Variants in ZNF727 observed in about 807,000 individuals in gnomAD.
ZNF727 encodes the protein putative zinc finger protein 727.
Under a neutral mutation model 11.5 loss-of-function variants are expected in ZNF727, and 11 were observed. That is an observed-to-expected ratio of 0.95 (90% CI 0.60 to 1.58). The LOEUF (loss-of-function observed/expected upper bound fraction) is 1.58. Among genes scored for constraint, ZNF727 ranks in the 40% most tolerant of loss-of-function variants. ZNF727 has a pLI of 0.00. For synonymous variants in ZNF727, 171 were observed against 196.1 expected (o/e 0.87, Z 1.07); for missense variants, 533 against 581.7 (o/e 0.92, Z 0.86).
At chr7:64,047,316 C>T (rs1789523984) in intron 1 of ZNF727, among the ~76,000 whole-genome samples, 1 of 152,184 alleles carries the variant, frequency 6.6e-6, no homozygotes, top group Non-Finnish European at 1.5e-5. Flanking sequence ...ACGGACGTGG[C>T]ATTTTAATTG....
chr7:64,067,212 G>T (rs180727936), intron 1 of ZNF727, among the ~76,000 whole-genome samples: 11 of 152,266 alleles, frequency 7.2e-5, no homozygotes, highest in Admixed American at 2.6e-4. Context: ...TCTCATGTCA[G>T]TTAGAATGGT....
At chr7:64,069,665 G>A (rs1789929632) in intron 3 of ZNF727, 56 bp downstream of exon 3, 10 of 1,354,560 alleles carry the variant, frequency 7.4e-6, no homozygotes, top group South Asian at 3.8e-5. Context: ...ATGTCAAGGA[G>A]GAAGCCAGAC....
intron 1 of ZNF727, among the ~76,000 whole-genome samples, chr7:64,051,428 C>T (rs1364117276): frequency 6.6e-6 from 1 of 152,134 alleles, no homozygotes; most frequent in Admixed American, 6.5e-5. Flanking sequence ...AAAGGCCAGA[C>T]ACAAGATTTT....
At chr7:64,052,168 C>T (rs763460383) in intron 1 of ZNF727, among the ~76,000 whole-genome samples, 3 of 152,048 alleles carry the variant, frequency 2.0e-5, no homozygotes, top group Non-Finnish European at 4.4e-5. Flanking sequence ...AAGGTGTCAC[C>T]CAAGAGTTGG....
chr7:64,082,678 C>A lies in ZNF727; in HGVS notation c.*4129C>A, dbSNP rs868347209. Among the ~76,000 whole-genome samples the A allele has an allele frequency of 1.3e-5, 2 of 152,116 alleles. No homozygotes were observed. The highest frequency in any genetic ancestry group is 2.1e-4 in the South Asian group (1 of 4,818). ...ATTGCCTGAGCTCAGGAGTTCAAGA[C>A]CAGCCTGGGCAACATGGTGAAATCC... On this transcript the variant is annotated 3_prime_UTR_variant, in exon 4 of 4. Coordinates refer to ENST00000456806, the MANE Select transcript of ZNF727 (RefSeq NM_001159522.3).
chr7:64,048,331 T>G (rs918414633), intron 1 of ZNF727, among the ~76,000 whole-genome samples: 1 of 152,186 alleles, frequency 6.6e-6, no homozygotes, highest in African/African-American at 2.4e-5. Flanking sequence ...CTGTTCTGTT[T>G]TAGCATGATT....
chr7:64,049,215 A>G (rs1789554774), intron 1 of ZNF727, among the ~76,000 whole-genome samples: 1 of 152,150 alleles, frequency 6.6e-6, no homozygotes, highest in Non-Finnish European at 1.5e-5. Context: ...ACCATACAAG[A>G]TAAGATTTCT....
rs1785730687 is a variant in ZNF727 at position 64,078,545 on chromosome 7, G to A, written c.1496G>A (p.Arg499Lys). The change falls in exon 4 of 4, where the codon AGG becomes AAG. Residue 499 changes from arginine (R) to lysine (K), a missense_variant. By Grantham distance (26) the Arg-to-Lys change is conservative. Transcript: ENST00000456806. ...GGTTCTCAGACCTTACTAAACATAA[G>A]GTAATTCATACTGGAGATAAACCTT... Reference protein sequence around the residue: ...LGGSQTLLNIR With the variant: ...LGGSQTLLNIK 1 of 1,557,908 alleles carries A rather than the reference G, an allele frequency of 6.4e-7. No homozygotes were observed. The highest frequency in any genetic ancestry group is 1.4e-5 in the African/African-American group (1 of 73,020).
intron 1 of ZNF727, among the ~76,000 whole-genome samples, chr7:64,051,106 A>G (rs1280457570): frequency 6.6e-6 from 1 of 152,190 alleles, no homozygotes; most frequent in Non-Finnish European, 1.5e-5. Context: ...AAACCACAGT[A>G]TACAGTTTTA....
Position 64,078,115 on chromosome 7 carries a change from A to G in ZNF727, c.1066A>G (p.Ile356Val), listed in dbSNP as rs1180922410. Residue 356 changes from isoleucine to valine, a missense_variant, in exon 4 of 4, where the codon ATT (isoleucine) becomes GTT (valine). Physicochemically the swap from Ile to Val is conservative, Grantham distance 29. This residue lies in a region of ZNF727 where 463 missense variants were observed against 494.5 expected (regional missense o/e 0.94). Coordinates refer to ENST00000456806, the MANE Select transcript of ZNF727 (RefSeq NM_001159522.3). ...GKAFTYSSTLISHKRIHMELR... is the reference protein window; with the variant it reads ...GKAFTYSSTLVSHKRIHMELR... The stretch of plus-strand genomic sequence containing the variant: ...AGCCTTTACCTACTCCTCAACCCTT[A>G]TTAGCCACAAGAGAATTCATATGGA... 5 of 1,606,832 alleles carry G rather than the reference A, an allele frequency of 3.1e-6. No homozygotes were observed. The South Asian group carries it at 5.5e-5, about 18-fold the overall frequency.
At chr7:64,069,477 C>G (rs1325339328) in intron 2 of ZNF727, 37 bp from the exon 3 acceptor site, 2 of 1,471,286 alleles carry the variant, frequency 1.4e-6, no homozygotes, top group African/African-American at 1.4e-5. Flanking sequence ...TCAGATTATC[C>G]TAGCAAGAGT....
chr7:64,077,373 T>C lies in ZNF727; in HGVS notation c.324T>C (p.Leu108=), dbSNP rs1310042459. 1 of 1,551,712 alleles carries C rather than the reference T, an allele frequency of 6.4e-7. No homozygotes were observed. Among genetic ancestry groups the C allele is most frequent in the Non-Finnish European group, 8.7e-7 (1 of 1,146,970 alleles). The stretch of plus-strand genomic sequence containing the variant: ...TGAGAAAATCTGGAAGCTGTGACCT[T>C]AATACTTTACGTTTAAAGAAAGACT... ...VILRKSGSCD[L]NTLRLKKDYQ... The change falls in exon 4 of 4, where the codon CTT becomes CTC. Residue 108 remains leucine (L), a synonymous_variant. Coordinates refer to ENST00000456806, the MANE Select transcript of ZNF727 (RefSeq NM_001159522.3).
chr7:64,052,788 A>G (rs991265997), intron 1 of ZNF727, among the ~76,000 whole-genome samples: 3 of 152,206 alleles, frequency 2.0e-5, no homozygotes, highest in African/African-American at 7.2e-5. Context: ...CACTTCTTGC[A>G]TCAGTGTGAC....
intron 3 of ZNF727, among the ~76,000 whole-genome samples, chr7:64,074,013 C>T (rs964018152): frequency 3.9e-5 from 6 of 152,080 alleles, no homozygotes; most frequent in East Asian, 3.8e-4. Flanking sequence ...GAGGGTAGTA[C>T]TGGGAGTTGA....
At position 64,077,564 on chromosome 7, in the gene ZNF727, G is replaced by C; in HGVS notation, c.515G>C (p.Cys172Ser). ...AAGAAAATTTTTAGCAGAGAGAAAT[G>C]CTACAAATGTGAAGAATGTGGCAAA... is the stretch of plus-strand genomic sequence containing the variant. ...EHKKIFSREK[C>S]YKCEECGKDC... Residue 172 changes from cysteine (C) to serine (S), a missense_variant, in exon 4 of 4, where the codon TGC becomes TCC. Physicochemically the swap from Cys to Ser is moderately radical, Grantham distance 112. Coordinates refer to ENST00000456806, the MANE Select transcript of ZNF727 (RefSeq NM_001159522.3). 6.4e-7 allele frequency: 1 copy of C among 1,551,414 alleles called. No individual in the cohort carries two copies. Among genetic ancestry groups the C allele is most frequent in the Non-Finnish European group, 8.7e-7 (1 of 1,146,794 alleles).
chr7:64,058,156 A>G (rs1789715326), intron 1 of ZNF727, among the ~76,000 whole-genome samples: 1 of 152,184 alleles, frequency 6.6e-6, no homozygotes, highest in Non-Finnish European at 1.5e-5. Context: ...TGTGTCAGGC[A>G]GGCCCTGGGC....
At chr7:64,066,030 G>A (rs1431161370) in intron 1 of ZNF727, among the ~76,000 whole-genome samples, 1 of 152,128 alleles carries the variant, frequency 6.6e-6, no homozygotes, top group African/African-American at 2.4e-5. Context: ...GTGCAAAACT[G>A]CTTATAAAAA....
At chr7:64,067,282 C>T (rs1789883913) in intron 1 of ZNF727, among the ~76,000 whole-genome samples, 1 of 152,080 alleles carries the variant, frequency 6.6e-6, no homozygotes, top group Non-Finnish European at 1.5e-5. Context: ...AACACTTTTA[C>T]ACTGTTCTTG....
intron 3 of ZNF727, among the ~76,000 whole-genome samples, chr7:64,072,318 A>G (rs1282919963): frequency 6.6e-6 from 1 of 152,050 alleles, no homozygotes; most frequent in African/African-American, 2.4e-5. Context: ...GTTTGTTACC[A>G]GGAGCCTGGG....
Sources: allele counts gnomAD v4.1 joint callset (sites outside exome capture counted in the v4.1 genomes callset), GRCh38; gene constraint gnomAD v4.1.1; regional missense constraint gnomAD v4.1.1; transcripts MANE v1.5; gene names NCBI Gene and HGNC (gene_info 2026-07-23, HGNC 2026-07-21).